HPSE2: variants seen among roughly 807,000 people sequenced by gnomAD.
HPSE2 encodes the protein heparanase 2 (inactive).
In HPSE2, 38 loss-of-function variants were observed where a neutral mutation model predicts 60.5. The observed-to-expected ratio is 0.63, with a 90% CI of 0.48 to 0.82. The LOEUF is 0.82. Among genes scored for constraint, HPSE2 ranks in the 40% least tolerant of loss-of-function variants. HPSE2 has a pLI of 0.00. For missense variants in HPSE2, 713 were observed against 740.4 expected (o/e 0.96, Z 0.43); for synonymous variants, 295 against 293.2 (o/e 1.01, Z -0.06).
At chr10:98,602,525 T>C (rs1945457144) in intron 9 of HPSE2, among the ~76,000 whole-genome samples, 1 of 152,058 alleles carries the variant, frequency 6.6e-6, no homozygotes, top group South Asian at 2.1e-4. Context: ...CAAAGTTTAA[T>C]ACAAAACTAC....
chr10:98,741,606 G>T (rs947944973), intron 4 of HPSE2, among the ~76,000 whole-genome samples: 2 of 151,800 alleles, frequency 1.3e-5, no homozygotes, highest in African/African-American at 4.8e-5. Flanking sequence ...CACATTCAGA[G>T]ATGCCAAAAA....
rs1942276423 is a variant in HPSE2 at position 98,508,511 on chromosome 10, T to C, written c.1321-18315A>G. The stretch of plus-strand genomic sequence containing the variant: ...TTATGGAATGCCTACTATGATTAAG[T>C]TCTTGGCATCATGAAGTTTCTAACC... On this transcript the variant is annotated intron_variant, in intron 9 of 11. Coordinates refer to ENST00000370552, the MANE Select transcript of HPSE2 (RefSeq NM_021828.5). Among the ~76,000 whole-genome samples, 6 of 152,206 alleles carry C rather than the reference T, an allele frequency of 3.9e-5. 2 individuals are homozygous for C. In the South Asian group the frequency reaches 1.2e-3, roughly 32 times the overall value.
chr10:99,296,976 T>C, the HPSE2 span, among the ~76,000 whole-genome samples: 1 of 152,034 alleles, frequency 6.6e-6, no homozygotes, highest in Non-Finnish European at 1.5e-5. Flanking sequence ...ATTGACGAGA[T>C]GAGGAGCAGA....
At chr10:99,295,267 A>T in the HPSE2 span, among the ~76,000 whole-genome samples, 1 of 152,200 alleles carries the variant, frequency 6.6e-6, no homozygotes, top group Non-Finnish European at 1.5e-5. Flanking sequence ...AGATGTCCAA[A>T]GTCATACAGA....
the HPSE2 span, among the ~76,000 whole-genome samples, chr10:99,300,734 T>G: frequency 6.6e-6 from 1 of 152,186 alleles, no homozygotes; most frequent in Non-Finnish European, 1.5e-5. Flanking sequence ...CACATATTGT[T>G]TCTCAAGTAG....
chr10:98,512,657 A>G (rs962952311), intron 9 of HPSE2, among the ~76,000 whole-genome samples: 1 of 151,870 alleles, frequency 6.6e-6, no homozygotes, highest in Non-Finnish European at 1.5e-5. Flanking sequence ...GCTTTTTAAT[A>G]TGAATTGTCT....
intron 4 of HPSE2, among the ~76,000 whole-genome samples, chr10:98,731,615 G>A (rs929417148): frequency 6.6e-6 from 1 of 152,078 alleles, no homozygotes; most frequent in Non-Finnish European, 1.5e-5. Flanking sequence ...TGAATAGAAG[G>A]GAACTTTCTC....
At chr10:99,220,096 T>A (rs1849258411) in intron 2 of HPSE2, among the ~76,000 whole-genome samples, 1 of 152,236 alleles carries the variant, frequency 6.6e-6, no homozygotes, top group South Asian at 2.1e-4. Context: ...AAGGATATCA[T>A]ATTTTGATGC....
chr10:98,757,723 C>T (rs954844903), intron 3 of HPSE2, among the ~76,000 whole-genome samples: 12 of 151,950 alleles, frequency 7.9e-5, no homozygotes, highest in African/African-American at 2.4e-4. Flanking sequence ...ATTTCATGCA[C>T]ATGGATAGTA....
intron 3 of HPSE2, among the ~76,000 whole-genome samples, chr10:99,117,176 A>G (rs977865541): frequency 2.0e-5 from 3 of 151,950 alleles, no homozygotes; most frequent in Admixed American, 2.0e-4. Flanking sequence ...TTTAAAAGTC[A>G]TGTAAATAAA....
chr10:98,888,703 T>A (rs1953243904), intron 3 of HPSE2, among the ~76,000 whole-genome samples: 1 of 152,152 alleles, frequency 6.6e-6, no homozygotes, highest in African/African-American at 2.4e-5. Context: ...AACACATAAT[T>A]CATTTATATA....
intron 4 of HPSE2, among the ~76,000 whole-genome samples, chr10:98,734,618 G>A (rs1949304709): frequency 6.6e-6 from 1 of 152,040 alleles, no homozygotes; most frequent in Non-Finnish European, 1.5e-5. Flanking sequence ...ATGATGTTGA[G>A]CATCTTTTCA....
intron 3 of HPSE2, among the ~76,000 whole-genome samples, chr10:99,038,460 G>A (rs997041288): frequency 2.6e-5 from 4 of 152,100 alleles, no homozygotes; most frequent in African/African-American, 7.2e-5. Flanking sequence ...CATTCTTGAA[G>A]TGACAAAATT....
intron 3 of HPSE2, among the ~76,000 whole-genome samples, chr10:98,803,643 A>G (rs1043123306): frequency 1.9e-4 from 29 of 151,110 alleles, no homozygotes; most frequent in African/African-American, 6.6e-4. Flanking sequence ...GATATGCGGC[A>G]TTATTTCTGA....
At chr10:98,461,944 AC>A in intron 11 of HPSE2, 1 of 749,356 alleles carries the variant, frequency 1.3e-6, no homozygotes, top group Non-Finnish European at 2.4e-6. Context: ...TAAGAGTAGA[AC>A]CAGGAAGCAT....
intron 9 of HPSE2, among the ~76,000 whole-genome samples, chr10:98,553,285 G>A (rs2018085): frequency 6.6e-6 from 1 of 152,000 alleles, no homozygotes; most frequent in African/African-American, 2.4e-5. Flanking sequence ...ATTGAGAATA[G>A]AGAACACTGT....
At chr10:98,508,717 G>T (rs1942284911) in intron 9 of HPSE2, among the ~76,000 whole-genome samples, 1 of 152,140 alleles carries the variant, frequency 6.6e-6, no homozygotes, top group African/African-American at 2.4e-5. Context: ...GAAAAGAAGG[G>T]AGGGGACATA....
At chr10:98,699,838 T>A (rs1409879140) in intron 5 of HPSE2, among the ~76,000 whole-genome samples, 1 of 116,360 alleles carries the variant, frequency 8.6e-6, no homozygotes, top group African/African-American at 2.7e-5. Context: ...AGCATTCTTA[T>A]ACACCAATAA....
the HPSE2 span, among the ~76,000 whole-genome samples, chr10:99,262,916 C>T: frequency 1.3e-5 from 2 of 152,186 alleles, no homozygotes; most frequent in South Asian, 2.1e-4. Context: ...AAGCTGCTCC[C>T]ACACTAGCTC....
Sources: allele counts gnomAD v4.1 joint callset (sites outside exome capture counted in the v4.1 genomes callset), GRCh38; gene constraint gnomAD v4.1.1; transcripts MANE v1.5; gene names NCBI Gene and HGNC (gene_info 2026-07-23, HGNC 2026-07-21).